Variants in GHR observed in about 807,000 individuals in gnomAD.
GHR encodes GH receptor.
Under a neutral mutation model 67.1 loss-of-function variants are expected in GHR, and 35 were observed. The ratio of observed to expected loss-of-function variants is 0.52; its 90% confidence interval spans 0.40 to 0.69. GHR has a LOEUF of 0.69. Among genes scored for constraint, GHR ranks in the 30% least tolerant of loss-of-function variants. The pLI is 0.00. For synonymous variants in GHR, 272 were observed against 269.1 expected, an observed-to-expected ratio of 1.01 and a Z score of -0.10; for missense variants, 792 against 764.6, an observed-to-expected ratio of 1.04 and a Z score of -0.42.
chr5:42,456,409 G>C (rs1242055927), intron 1 of GHR, among the ~76,000 whole-genome samples: 3 of 152,166 alleles, frequency 2.0e-5, no homozygotes, highest in Non-Finnish European at 4.4e-5. Flanking sequence ...TCTGTTTTAA[G>C]GTAGGACTAA....
chr5:42,690,573 A>G (rs1757376902), intron 4 of GHR, among the ~76,000 whole-genome samples: 1 of 152,226 alleles, frequency 6.6e-6, no homozygotes, highest in African/African-American at 2.4e-5. Flanking sequence ...CATTTATACC[A>G]GTAAATTGTT....
intron 1 of GHR, chr5:42,468,758 T>C (rs12517368): frequency 0.016 from 17,373 of 1,060,722 alleles, 901 homozygotes; most frequent in Admixed American, 0.13. Flanking sequence ...TCTTTTTTCT[T>C]GTTCTCTCCT....
At chr5:42,668,407 G>A (rs925413364) in intron 3 of GHR, among the ~76,000 whole-genome samples, 3 of 151,988 alleles carry the variant, frequency 2.0e-5, no homozygotes, top group African/African-American at 7.3e-5. Context: ...ATGTTTCACA[G>A]CATCCCTGGC....
intron 1 of GHR, among the ~76,000 whole-genome samples, chr5:42,558,374 A>G (rs1349561776): frequency 6.6e-6 from 1 of 152,250 alleles, no homozygotes; most frequent in Non-Finnish European, 1.5e-5. Flanking sequence ...ATATGCCCAT[A>G]GTAAGCATTT....
At chr5:42,716,181 AAC>A (rs1189801484) in intron 8 of GHR, among the ~76,000 whole-genome samples, 4 of 152,066 alleles carry the variant, frequency 2.6e-5, no homozygotes, top group African/African-American at 7.2e-5. Flanking sequence ...AAAAAAAAAA[AAC>A]AAAACAGCGA....
intron 7 of GHR, among the ~76,000 whole-genome samples, chr5:42,712,600 A>G (rs1328656103): frequency 6.6e-6 from 1 of 152,106 alleles, no homozygotes; most frequent in African/African-American, 2.4e-5. Flanking sequence ...CAGCATAAAG[A>G]CCTACATTTT....
At chr5:42,471,245 G>GT (rs1745000038) in intron 1 of GHR, among the ~76,000 whole-genome samples, 1 of 152,022 alleles carries the variant, frequency 6.6e-6, no homozygotes, top group African/African-American at 2.4e-5. Context: ...GGTCCTTAAC[G>GT]TTTCAGGTAA....
At chr5:42,439,151 G>A (rs1743459936) in intron 1 of GHR, among the ~76,000 whole-genome samples, 1 of 152,156 alleles carries the variant, frequency 6.6e-6, no homozygotes, top group Admixed American at 6.5e-5. Context: ...TGAGGATTTT[G>A]TAAGTCAAAG....
chr5:42,704,969 C>A (rs886704139), intron 6 of GHR, among the ~76,000 whole-genome samples: 9 of 151,778 alleles, frequency 5.9e-5, no homozygotes, highest in Non-Finnish European at 1.2e-4. Context: ...AAACTTGTTT[C>A]ATTAATCTTT....
rs550184698 is a variant in GHR at position 42,537,848 on chromosome 5, C to T, written c.-11-28016C>T. Among the ~76,000 whole-genome samples the T allele has an allele frequency of 9.1e-4, 138 of 152,138 alleles. 1 individual carries two copies. The highest frequency in any genetic ancestry group is 2.6e-3 in the African/African-American group (110 of 41,534). On this transcript the variant is annotated intron_variant, in intron 1 of 9. Coordinates refer to ENST00000230882, the MANE Select transcript of GHR (RefSeq NM_000163.5). ...TAAATTTGGAACCTCCAGTGTTAGG[C>T]GCATATATGTTTAGGATTGTGATAT... is the stretch of plus-strand genomic sequence containing the variant.
intron 1 of GHR, among the ~76,000 whole-genome samples, chr5:42,545,405 T>A (rs959252638): frequency 6.6e-6 from 1 of 152,136 alleles, no homozygotes; most frequent in Admixed American, 6.6e-5. Context: ...ATACGGAGCA[T>A]GTTTTCGGTT....
chr5:42,450,468 A>AAT (rs1244488978), intron 1 of GHR, among the ~76,000 whole-genome samples: 9 of 152,086 alleles, frequency 5.9e-5, no homozygotes, highest in Admixed American at 5.9e-4. Context: ...TATCGGTTGC[A>AAT]ATATCTCGTT....
intron 1 of GHR, among the ~76,000 whole-genome samples, chr5:42,509,419 A>G (rs1286879819): frequency 1.3e-5 from 2 of 152,214 alleles, no homozygotes; most frequent in Admixed American, 6.5e-5. Flanking sequence ...CTCTGCGCAG[A>G]TAACCTTTTT....
rs1016373019 is a variant in GHR, at chr5:42,514,210, T to G, written c.-11-51654T>G. 3.2e-5 allele frequency: 32 copies of G among 985,264 alleles called. 1 individual carries two copies. The highest frequency in any genetic ancestry group is 1.8e-4 in the Admixed American group (3 of 16,274). 61.0% of individuals were successfully genotyped at this position (985,264 alleles called of 1,614,324 possible). A position where few individuals can be genotyped will look rare whatever the true frequency, so the allele number is the denominator to read the frequency against. Reference sequence around the variant, plus strand: ...CTGCATTGACTACCTACAAGTGCCTTCTGGGTGCAAGTCCACAGGCAAGAT... The same window carrying G: ...CTGCATTGACTACCTACAAGTGCCTGCTGGGTGCAAGTCCACAGGCAAGAT... On this transcript the variant is annotated intron_variant, in intron 1 of 9. Coordinates refer to ENST00000230882, the MANE Select transcript of GHR (RefSeq NM_000163.5).
intron 1 of GHR, among the ~76,000 whole-genome samples, chr5:42,529,999 CTTTTTTTT>C (rs376534691): frequency 0.014 from 831 of 57,644 alleles, 4 homozygotes; most frequent in Middle Eastern, 0.029. Context: ...TGAATCACTT[CTTTTTTTT>C]TTTTTTTTTT....
At chr5:42,434,584 C>A (rs1346228257) in intron 1 of GHR, among the ~76,000 whole-genome samples, 1 of 152,164 alleles carries the variant, frequency 6.6e-6, no homozygotes, top group Admixed American at 6.5e-5. Flanking sequence ...TAACTCAATT[C>A]TTTTAGTTTT....
chr5:42,510,753 G>A lies in GHR; in HGVS notation c.-11-55111G>A, dbSNP rs192924229. 7.0e-4 allele frequency among the ~76,000 whole-genome samples: 107 copies of A among 152,298 alleles called. 1 individual carries two copies. In the South Asian group the frequency reaches 0.017, roughly 24 times the overall value. On this transcript the variant is annotated intron_variant, in intron 1 of 9. Coordinates refer to ENST00000230882, the MANE Select transcript of GHR (RefSeq NM_000163.5). ...ATGAGACAGATGAATGGAGCTCTGA[G>A]CCAGAGGGCCTACCACAAAAGTGGT...
intron 1 of GHR, among the ~76,000 whole-genome samples, chr5:42,539,958 C>A (rs898948841): frequency 6.6e-6 from 1 of 152,138 alleles, no homozygotes; most frequent in Non-Finnish European, 1.5e-5. Context: ...TTTTGGCTGA[C>A]TTATTTTTGT....
intron 1 of GHR, among the ~76,000 whole-genome samples, chr5:42,491,992 G>T (rs1746135699): frequency 6.6e-6 from 1 of 152,208 alleles, no homozygotes; most frequent in Non-Finnish European, 1.5e-5. Flanking sequence ...ATGACTACTA[G>T]CTGGAATAAG....
Sources: allele counts gnomAD v4.1 joint callset (sites outside exome capture counted in the v4.1 genomes callset), GRCh38; gene constraint gnomAD v4.1.1; transcripts MANE v1.5; gene names NCBI Gene and HGNC (gene_info 2026-07-23, HGNC 2026-07-21).